Variants in GATAD2A observed in about 807,000 individuals in gnomAD.
GATAD2A encodes the protein GATA zinc finger domain containing 2A.
Under a neutral mutation model 68.5 loss-of-function variants are expected in GATAD2A, and 12 were observed. That is an observed-to-expected ratio of 0.18 (90% CI 0.11 to 0.28). GATAD2A has a LOEUF of 0.28. GATAD2A is among the 10% of genes least tolerant of loss of function. GATAD2A has a pLI of 1.00. For synonymous variants in GATAD2A, 410 were observed against 375.3 expected (o/e 1.09, Z -1.07); for missense variants, 755 against 868.5 (o/e 0.87, Z 1.64).
At chr19:19,403,764 A>C (rs112692387), upstream of GATAD2A, among the ~76,000 whole-genome samples, 79 of 152,218 alleles carry the variant, frequency 5.2e-4, no homozygotes, top group African/African-American at 1.9e-3. Context: ...TTTAATATAC[A>C]TCATCTGATT....
At chr19:19,401,063 C>A (rs1367682756), upstream of GATAD2A, among the ~76,000 whole-genome samples, 4 of 149,298 alleles carry the variant, frequency 2.7e-5, no homozygotes, top group Non-Finnish European at 4.4e-5. Context: ...TCGCTTGACG[C>A]CAGAAGGTGG....
At chr19:19,448,642 C>T (rs2056024487) in intron 1 of GATAD2A, among the ~76,000 whole-genome samples, 1 of 152,186 alleles carries the variant, frequency 6.6e-6, no homozygotes, top group Non-Finnish European at 1.5e-5. Flanking sequence ...GCGCCCACCA[C>T]CATGCTGGCT....
chr19:19,389,171 T>A (rs183888105), intron 1 of GATAD2A, among the ~76,000 whole-genome samples: 21 of 152,206 alleles, frequency 1.4e-4, no homozygotes, highest in Admixed American at 1.2e-3. Context: ...AGTAGATGAA[T>A]GCTGGCATTG....
chr19:19,430,974 G>GA (rs1306219266), intron 1 of GATAD2A, among the ~76,000 whole-genome samples: 4 of 97,120 alleles, frequency 4.1e-5, no homozygotes, highest in Non-Finnish European at 8.0e-5. Flanking sequence ...TTGTATGGTA[G>GA]GGGTGTGTGT....
intron 1 of GATAD2A, among the ~76,000 whole-genome samples, chr19:19,420,177 GTT>G (rs71170684): frequency 5.6e-5 from 5 of 89,906 alleles, no homozygotes; most frequent in South Asian, 4.8e-4. Flanking sequence ...TATCCAGCTA[GTT>G]TTTTTTTTTT....
chr19:19,435,489 T>C (rs1198606652), intron 1 of GATAD2A, among the ~76,000 whole-genome samples: 1 of 152,228 alleles, frequency 6.6e-6, no homozygotes, highest in African/African-American at 2.4e-5. Flanking sequence ...CCTCCCAAAG[T>C]GTTGGGACTA....
chr19:19,425,929 A>G (rs912815888), intron 1 of GATAD2A, among the ~76,000 whole-genome samples: 2 of 151,972 alleles, frequency 1.3e-5, no homozygotes, highest in Non-Finnish European at 2.9e-5. Flanking sequence ...AGCTGGGACT[A>G]CAGGTGCTCC....
intron 1 of GATAD2A, among the ~76,000 whole-genome samples, chr19:19,397,566 T>C (rs939663047): frequency 6.6e-6 from 1 of 152,168 alleles, no homozygotes; most frequent in African/African-American, 2.4e-5. Flanking sequence ...CAGGAAGCAA[T>C]GATGGCCAGT....
At chr19:19,453,486 C>T (rs1019035765) in intron 1 of GATAD2A, among the ~76,000 whole-genome samples, 11 of 152,088 alleles carry the variant, frequency 7.2e-5, no homozygotes, top group African/African-American at 1.4e-4. Flanking sequence ...TTAATTTACA[C>T]GTTCGAGTCT....
chr19:19,394,739 C>G (rs8111093), intron 1 of GATAD2A, among the ~76,000 whole-genome samples: 2 of 152,090 alleles, frequency 1.3e-5, no homozygotes, highest in Non-Finnish European at 2.9e-5. Flanking sequence ...CCACCACTCC[C>G]GGCCCAGGCT....
chr19:19,445,907 A>G (rs1157227302), intron 1 of GATAD2A, among the ~76,000 whole-genome samples: 2 of 151,864 alleles, frequency 1.3e-5, no homozygotes, highest in African/African-American at 4.8e-5. Flanking sequence ...TTGAATACCT[A>G]TATTCAGCTC....
intron 1 of GATAD2A, among the ~76,000 whole-genome samples, chr19:19,450,792 C>T (rs900145038): frequency 8.8e-5 from 13 of 147,846 alleles, no homozygotes; most frequent in Admixed American, 7.4e-4. Flanking sequence ...TTGTTTGAGA[C>T]GGAGTTTTGC....
chr19:19,419,033 G>A (rs896512724), intron 1 of GATAD2A, among the ~76,000 whole-genome samples: 2 of 152,182 alleles, frequency 1.3e-5, no homozygotes, highest in Admixed American at 6.5e-5. Context: ...GGCCTGGGCT[G>A]TCTCTCAGGG....
At chr19:19,470,692 A>G (rs1005779506) in intron 2 of GATAD2A, among the ~76,000 whole-genome samples, 2 of 152,180 alleles carry the variant, frequency 1.3e-5, no homozygotes, top group African/African-American at 4.8e-5. Context: ...TTGTAGGTGA[A>G]CGTTCTCTGT....
At chr19:19,450,755 A>AC (rs1284495337) in intron 1 of GATAD2A, among the ~76,000 whole-genome samples, 1 of 151,084 alleles carries the variant, frequency 6.6e-6, no homozygotes, top group Middle Eastern at 3.2e-3. Flanking sequence ...AAAAAAAAAA[A>AC]AAAAAAACTC....
chr19:19,460,756 T>C (rs1183501084), intron 1 of GATAD2A, among the ~76,000 whole-genome samples: 1 of 152,180 alleles, frequency 6.6e-6, no homozygotes, highest in African/African-American at 2.4e-5. Flanking sequence ...CTCTGTCCCC[T>C]TCCCCAGTGT....
upstream of GATAD2A, among the ~76,000 whole-genome samples, chr19:19,404,523 CA>C (rs373782195): frequency 5.6e-3 from 826 of 147,198 alleles, 12 homozygotes; most frequent in African/African-American, 0.02. Flanking sequence ...TACTAAAATA[CA>C]AAAAAAAAAT....
chr19:19,389,436 C>G (rs899384196), intron 1 of GATAD2A, among the ~76,000 whole-genome samples: 3 of 152,192 alleles, frequency 2.0e-5, no homozygotes, highest in Non-Finnish European at 4.4e-5. Context: ...CTGGGTCTTG[C>G]TTAATTTGAG....
Position 19,433,151 on chromosome 19 carries a change from A to G in GATAD2A, c.-7+27132A>G, listed in dbSNP as rs147797033. Among the ~76,000 whole-genome samples, 235 of 152,260 alleles carry G rather than the reference A, an allele frequency of 1.5e-3. 3 individuals are homozygous for G. The East Asian group carries it at 0.035, about 23-fold the overall frequency. ...TCTTGCCAGTTGCACTGTAGGTACG[A>G]TGTACTGTTTGTTGTGATTTGACTT... On this transcript the variant is annotated intron_variant, in intron 1 of 11. Transcript: ENST00000683918.
Sources: allele counts gnomAD v4.1 joint callset (sites outside exome capture counted in the v4.1 genomes callset), GRCh38; gene constraint gnomAD v4.1.1; transcripts MANE v1.5; gene names NCBI Gene and HGNC (gene_info 2026-07-23, HGNC 2026-07-21).